FCGR2A: variants seen among roughly 807,000 people sequenced by gnomAD.
FCGR2A encodes Fc gamma receptor IIa, also known as low affinity immunoglobulin gamma Fc region receptor II-a.
In FCGR2A, 18 loss-of-function variants were observed where a neutral mutation model predicts 29.3. That is an observed-to-expected ratio of 0.62 (90% confidence interval 0.43 to 0.91). The LOEUF is 0.91. Ranked by LOEUF, FCGR2A falls within the 40% of genes least tolerant of loss-of-function variation. FCGR2A has a pLI of 0.00. For missense variants in FCGR2A, 287 were observed against 393.0 expected (o/e 0.73, Z 2.28); for synonymous variants, 126 against 144.8 (o/e 0.87, Z 0.93).
At chr1:161,524,027 A>C (rs993707103), downstream of FCGR2A, 4 of 155,742 alleles carry the variant, frequency 2.6e-5, no homozygotes, top group African/African-American at 9.7e-5. Context: ...TATTTTGTTC[A>C]AGATAAAACT....
At chr1:161,510,172 C>A in intron 4 of FCGR2A, 98 bp downstream of exon 4, 3 of 1,559,258 alleles carry the variant, frequency 1.9e-6, no homozygotes, top group Non-Finnish European at 2.6e-6. Flanking sequence ...AAGCCCATAG[C>A]AGCAAAATTG....
rs376151162 is a variant in FCGR2A at position 161,518,265 on chromosome 1, C to T, written c.*117C>T. On this transcript the variant is annotated 3_prime_UTR_variant, in exon 7 of 7. Transcript: ENST00000271450. ...TGGAAAAATCCTGAGCAAACAAAAC[C>T]ACCTGGCCCTTAGAAATAGCTTTAA... 1 of 1,503,330 alleles carries T rather than the reference C, an allele frequency of 6.7e-7. No homozygotes were observed. Among genetic ancestry groups the T allele is most frequent in the Admixed American group, 2.3e-5 (1 of 43,856 alleles). 93.1% of individuals were successfully genotyped at this position (1,503,330 alleles called of 1,614,324 possible).
intron 3 of FCGR2A, among the ~76,000 whole-genome samples, chr1:161,509,008 A>T (rs1675597253): frequency 6.6e-6 from 1 of 152,168 alleles, no homozygotes; most frequent in Non-Finnish European, 1.5e-5. Flanking sequence ...TATGATATGA[A>T]TTAATCAAAT....
At chr1:161,508,086 C>CAAAAAAAA (rs61414204) in intron 3 of FCGR2A, among the ~76,000 whole-genome samples, 1 of 68,228 alleles carries the variant, frequency 1.5e-5, no homozygotes, top group African/African-American at 6.2e-5. Context: ...AACTCTGTCT[C>CAAAAAAAA]AAAAAAAAAA....
intron 6 of FCGR2A, among the ~76,000 whole-genome samples, chr1:161,516,208 G>A (rs1676136603): frequency 6.6e-6 from 1 of 151,772 alleles, no homozygotes; most frequent in Non-Finnish European, 1.5e-5. Flanking sequence ...TGAAATGACA[G>A]GTATTCATTA....
chr1:161,522,483 G>A (rs944633118), downstream of FCGR2A, among the ~76,000 whole-genome samples: 25 of 152,168 alleles, frequency 1.6e-4, no homozygotes, highest in Middle Eastern at 3.4e-3. Context: ...TGGAAGAGAA[G>A]GTTGGAGGAG....
In FCGR2A at chr1:161,518,531, C is replaced by G. The variant is rs1676283411; in HGVS notation, c.*383C>G. On this transcript the variant is annotated 3_prime_UTR_variant, in exon 7 of 7. Transcript: ENST00000271450. ...ACCGATTGCCTTTATTTTGCTTCCA[C>G]ATTTTCCCAATAAATACTTGCCTGT... is the stretch of plus-strand genomic sequence containing the variant. 4.3e-6 allele frequency: 1 copy of G among 233,606 alleles called. No homozygotes were observed. The highest frequency in any genetic ancestry group is 2.3e-5 in the African/African-American group (1 of 43,036). 14.5% of individuals were successfully genotyped at this position (233,606 alleles called of 1,614,324 possible). A position where few individuals can be genotyped will look rare whatever the true frequency, so the allele number is the denominator to read the frequency against.
intron 4 of FCGR2A, 162 bp downstream of exon 4, chr1:161,510,236 A>G (rs1675681004): frequency 1.5e-6 from 2 of 1,297,622 alleles, no homozygotes; most frequent in Non-Finnish European, 2.1e-6. Context: ...TTGACCAACA[A>G]GTAGGGGCCA....
At position 161,518,509 on chromosome 1, in the gene FCGR2A, G is replaced by A. The variant is rs1472607300; in HGVS notation, c.*361G>A. 11 of 273,768 alleles carry A rather than the reference G, an allele frequency of 4.0e-5. No individual in the cohort carries two copies. The highest frequency in any genetic ancestry group is 6.8e-5 in the African/African-American group (3 of 44,180). 17.0% of individuals were successfully genotyped at this position (273,768 alleles called of 1,614,324 possible). A position where few individuals can be genotyped will look rare whatever the true frequency, so the allele number is the denominator to read the frequency against. On this transcript the variant is annotated 3_prime_UTR_variant, in exon 7 of 7. Coordinates refer to ENST00000271450, the MANE Select transcript of FCGR2A (RefSeq NM_001136219.3). ...ACAATTATGTAATTGAAAACCAACC[G>A]ATTGCCTTTATTTTGCTTCCACATT...
At chr1:161,508,457 G>A (rs938849742) in intron 3 of FCGR2A, among the ~76,000 whole-genome samples, 4 of 151,714 alleles carry the variant, frequency 2.6e-5, no homozygotes, top group East Asian at 1.9e-4. Flanking sequence ...GCGTGATGGC[G>A]CATGCCTGTA....
At chr1:161,517,551 G>T (rs1389520276) in intron 6 of FCGR2A, among the ~76,000 whole-genome samples, 2 of 152,190 alleles carry the variant, frequency 1.3e-5, no homozygotes, top group Admixed American at 6.5e-5. Context: ...TTACTCTTTT[G>T]TAAGGATGCC....
chr1:161,510,161 A>G (rs1675673660), intron 4 of FCGR2A, 87 bp downstream of exon 4: 1 of 1,578,626 alleles, frequency 6.3e-7, no homozygotes, highest in African/African-American at 1.4e-5. Context: ...GAGGTCTGAG[A>G]AAGCCCATAG....
At chr1:161,507,841 C>T (rs1302690374) in intron 3 of FCGR2A, among the ~76,000 whole-genome samples, 1 of 151,970 alleles carries the variant, frequency 6.6e-6, no homozygotes. Flanking sequence ...AATCCCAGCA[C>T]TTTGGGAGGC....
chr1:161,523,893 A>T (rs1676567175), downstream of FCGR2A: 3 of 152,006 alleles, frequency 2.0e-5, no homozygotes. Flanking sequence ...GGCAGGCGAG[A>T]ATTCTACCAC....
intron 3 of FCGR2A, chr1:161,506,807 G>T (rs1412635201): frequency 3.0e-6 from 3 of 994,464 alleles, no homozygotes; most frequent in Non-Finnish European, 4.3e-6. Flanking sequence ...CATGTGTTAG[G>T]TTGTTTTTGC....
chr1:161,522,997 A>C (rs1676513507), downstream of FCGR2A: 2 of 152,112 alleles, frequency 1.3e-5, no homozygotes, highest in Non-Finnish European at 2.9e-5. Flanking sequence ...AAGGGTTTTT[A>C]GTTTCTCTTT....
chr1:161,522,805 C>T (rs899832129), downstream of FCGR2A: 1 of 152,088 alleles, frequency 6.6e-6, no homozygotes, highest in Admixed American at 6.6e-5. Flanking sequence ...TACGGCTGAT[C>T]CTCTCAAGCA....
At chr1:161,511,432 T>C (rs1209429030) in intron 5 of FCGR2A, among the ~76,000 whole-genome samples, 1 of 152,172 alleles carries the variant, frequency 6.6e-6, no homozygotes, top group African/African-American at 2.4e-5. Flanking sequence ...CAGTTACTGA[T>C]GATAAGTAAA....
chr1:161,510,052 G>C lies in FCGR2A; in HGVS notation c.597G>C (p.Lys199Asn), dbSNP rs754949042. The C allele has an allele frequency of 3.1e-6, 5 of 1,613,928 alleles. No homozygotes were observed. The highest frequency in any genetic ancestry group is 3.3e-4 in the Middle Eastern group (2 of 6,056). The change falls in exon 4 of 7, where the codon AAG becomes AAC. Residue 199 changes from lysine (K) to asparagine (N), a missense_variant. Physicochemically the swap from Lys to Asn is moderately conservative, Grantham distance 94. Around this residue, in one of 3 missense-constraint regions of FCGR2A, gnomAD observed 181 missense variants for 250.9 expected, o/e 0.72. Coordinates refer to ENST00000271450, the MANE Select transcript of FCGR2A (RefSeq NM_001136219.3). ...GNIGYTLFSS[K>N]PVTITVQVPS... ...TAGGCTACACGCTGTTCTCATCCAAGCCTGTGACCATCACTGTCCAAGGTA... is the reference window on the plus strand; with the variant it reads ...TAGGCTACACGCTGTTCTCATCCAACCCTGTGACCATCACTGTCCAAGGTA...
Sources: allele counts gnomAD v4.1 joint callset (sites outside exome capture counted in the v4.1 genomes callset), GRCh38; gene constraint gnomAD v4.1.1; regional missense constraint gnomAD v4.1.1; transcripts MANE v1.5; gene names NCBI Gene and HGNC (gene_info 2026-07-23, HGNC 2026-07-21).